PTPN3: variants seen among roughly 807,000 people sequenced by gnomAD.
PTPN3 encodes the protein tyrosine-protein phosphatase non-receptor type 3.
In PTPN3, 96 loss-of-function variants were observed where a neutral mutation model predicts 132.7. That is an observed-to-expected ratio of 0.72 (90% CI 0.61 to 0.86). The LOEUF (loss-of-function observed/expected upper bound fraction) is 0.86. Among genes scored for constraint, PTPN3 ranks in the 40% least tolerant of loss-of-function variants. PTPN3 has a pLI of 0.00. For missense variants in PTPN3, 1,125 were observed against 1,159.6 expected (o/e 0.97, Z 0.43); for synonymous variants, 398 against 429.0 (o/e 0.93, Z 0.89).
chr9:109,511,785 C>T, the PTPN3 span, among the ~76,000 whole-genome samples: 2 of 152,134 alleles, frequency 1.3e-5, no homozygotes, highest in Admixed American at 6.6e-5. Context: ...GAGGCAGTCC[C>T]AATAGGAACT....
At position 109,391,139 on chromosome 9, in the gene PTPN3, T is replaced by C. The variant is rs145864054; in HGVS notation, c.2105A>G (p.Asn702Ser). The change falls in exon 21 of 26, where the codon AAC becomes AGC. Residue 702 changes from asparagine to serine, a missense_variant and splice_region_variant. Coordinates refer to ENST00000374541, the MANE Select transcript of PTPN3 (RefSeq NM_002829.4). ...GCATCATCCAGATTCCTAACTTACG[T>C]TCACGTAACTTGCATTAATATAATC... ...NEDYINASYV[N>S]MEIPAANLVN... is the part of the protein sequence containing the mutation. 5.6e-6 allele frequency: 9 copies of C among 1,612,614 alleles called. No homozygotes were observed. The highest frequency in any genetic ancestry group is 7.6e-6 in the Non-Finnish European group (9 of 1,178,924).
At chr9:109,422,694 A>G (rs758130486) in intron 13 of PTPN3, 24 bp downstream of exon 13, 1 of 874,908 alleles carries the variant, frequency 1.1e-6, no homozygotes, top group Non-Finnish European at 1.6e-6. Flanking sequence ...GGGTAGTACA[A>G]AAAAAAAAAA....
At chr9:109,479,588 T>A (rs995230241) in intron 1 of PTPN3, among the ~76,000 whole-genome samples, 2 of 152,318 alleles carry the variant, frequency 1.3e-5, no homozygotes, top group African/African-American at 4.8e-5. Context: ...CTTTTTAAAA[T>A]TTTTTTGAGA....
chr9:109,436,905 C>G lies in PTPN3; in HGVS notation c.653G>C (p.Gly218Ala), dbSNP rs1564440301. The G allele has an allele frequency of 2.5e-6, 4 of 1,614,076 alleles. No homozygotes were observed. Among genetic ancestry groups the G allele is most frequent in the Non-Finnish European group, 3.4e-6 (4 of 1,179,978 alleles). ...TACCCTACCACTGTGCAGTTCTACTCCATAGAAGTCGAGGGTCCGCGCTAT... is the reference window on the plus strand; with the variant it reads ...TACCCTACCACTGTGCAGTTCTACTGCATAGAAGTCGAGGGTCCGCGCTAT... The part of the protein sequence containing the change: ...INIARTLDFY[G>A]VELHSGRDLH... The change falls in exon 9 of 26, where the codon GGA becomes GCA. Residue 218 changes from glycine to alanine, a missense_variant. Coordinates refer to ENST00000374541, the MANE Select transcript of PTPN3 (RefSeq NM_002829.4).
At chr9:109,536,156 TA>T in the PTPN3 span, among the ~76,000 whole-genome samples, 77 of 152,356 alleles carry the variant, frequency 5.1e-4, 1 homozygote, top group African/African-American at 1.8e-3. Context: ...CTTAACATAA[TA>T]TTTTCAAGGT....
chr9:109,399,569 G>A (rs1840891042), intron 19 of PTPN3, among the ~76,000 whole-genome samples: 2 of 151,894 alleles, frequency 1.3e-5, no homozygotes, highest in African/African-American at 4.8e-5. Context: ...TTTTATGACA[G>A]CTGGGACCAA....
chr9:109,445,193 G>T lies in PTPN3; in HGVS notation c.466+47C>A, dbSNP rs143031671. The T allele has an allele frequency of 5.8e-5, 91 of 1,575,100 alleles. No homozygotes were observed. The Middle Eastern group carries it at 1.0e-3, about 17-fold the overall frequency. ...GAACCAGTGACTTTCTCCACACACT[G>T]ATCAGAACAACCTGTCCATCCGTGA... On this transcript the variant is annotated intron_variant, in intron 7 of 25. Coordinates refer to ENST00000374541, the MANE Select transcript of PTPN3 (RefSeq NM_002829.4).
In PTPN3 at chr9:109,432,922, C is replaced by G. The variant is rs892234307; in HGVS notation, c.764+151G>C. Reference sequence around the variant, plus strand: ...ACTCAAATTTTCCTAAGTACCAAATCTGGACCAAATTTAGAGGTCAGAGTA... The same window carrying G: ...ACTCAAATTTTCCTAAGTACCAAATGTGGACCAAATTTAGAGGTCAGAGTA... On this transcript the variant is annotated intron_variant, in intron 10 of 25. Coordinates refer to ENST00000374541, the MANE Select transcript of PTPN3 (RefSeq NM_002829.4). 11 of 1,353,848 alleles carry G rather than the reference C, an allele frequency of 8.1e-6. No homozygotes were observed. The African/African-American group carries it at 1.6e-4, about 20-fold the overall frequency. 83.9% of individuals were successfully genotyped at this position (1,353,848 alleles called of 1,614,324 possible). A position where few individuals can be genotyped will look rare whatever the true frequency, so the allele number is the denominator to read the frequency against.
intron 1 of PTPN3, among the ~76,000 whole-genome samples, chr9:109,469,949 A>G (rs577492279): frequency 2.0e-5 from 3 of 151,866 alleles, no homozygotes; most frequent in Admixed American, 1.3e-4. Context: ...TATTTCAAAA[A>G]TCCTTTTTGC....
At chr9:109,504,770 T>C in the PTPN3 span, among the ~76,000 whole-genome samples, 2 of 151,734 alleles carry the variant, frequency 1.3e-5, no homozygotes, top group Non-Finnish European at 2.9e-5. Flanking sequence ...TTAAGATCCT[T>C]CTCTGGAAAC....
At chr9:109,453,692 T>C (rs1213053957) in intron 5 of PTPN3, among the ~76,000 whole-genome samples, 1 of 152,120 alleles carries the variant, frequency 6.6e-6, no homozygotes, top group Non-Finnish European at 1.5e-5. Flanking sequence ...TTCTAACTCT[T>C]GCAAACTGGG....
intron 7 of PTPN3, among the ~76,000 whole-genome samples, chr9:109,442,777 CTTA>C (rs1043597486): frequency 1.6e-4 from 25 of 152,258 alleles, no homozygotes; most frequent in African/African-American, 4.6e-4. Context: ...GAAGGAGACA[CTTA>C]TTATCCTCAT....
chr9:109,526,350 TTTA>T, the PTPN3 span, among the ~76,000 whole-genome samples: 390 of 152,138 alleles, frequency 2.6e-3, 2 homozygotes, highest in African/African-American at 9.1e-3. Context: ...TTTTTTTTTT[TTTA>T]AAGTGGAAAT....
chr9:109,431,278 T>G (rs763874638), intron 10 of PTPN3, among the ~76,000 whole-genome samples: 5 of 152,246 alleles, frequency 3.3e-5, no homozygotes, highest in African/African-American at 1.2e-4. Context: ...GCAGTGACCT[T>G]GTGGGACCCA....
At chr9:109,409,489 G>C (rs1403364711) in intron 16 of PTPN3, among the ~76,000 whole-genome samples, 2 of 152,128 alleles carry the variant, frequency 1.3e-5, no homozygotes, top group Non-Finnish European at 2.9e-5. Flanking sequence ...GCACAGAGCA[G>C]GCACTTGGCC....
intron 19 of PTPN3, among the ~76,000 whole-genome samples, chr9:109,400,892 C>A (rs1180330989): frequency 6.6e-6 from 1 of 152,094 alleles, no homozygotes; most frequent in East Asian, 1.9e-4. Flanking sequence ...CTCTGTAAAA[C>A]ACCATTCTCG....
intron 22 of PTPN3, among the ~76,000 whole-genome samples, chr9:109,388,663 G>A (rs1206255362): frequency 6.6e-6 from 1 of 152,034 alleles, no homozygotes; most frequent in Non-Finnish European, 1.5e-5. Context: ...GGAAAGAAGG[G>A]GGCTGCTATC....
At chr9:109,528,874 T>C in the PTPN3 span, among the ~76,000 whole-genome samples, 1 of 152,154 alleles carries the variant, frequency 6.6e-6, no homozygotes, top group Non-Finnish European at 1.5e-5. Flanking sequence ...TTAATTCTAC[T>C]TCCTTGTGTG....
rs1839847231 is a variant in PTPN3, at chr9:109,389,181, CAG to C, written c.2253+50_2253+51del. The C allele has an allele frequency of 3.8e-6, 6 of 1,595,706 alleles. No individual in the cohort carries two copies. The South Asian group carries it at 6.9e-5, about 18-fold the overall frequency. On this transcript the variant is annotated intron_variant, in intron 22 of 25. Transcript: ENST00000374541. ...TCTCAGCGCTGAGATTCATGTTACA[CAG>C]AGTAGGGTGTGACACTGCACACATC...
Sources: gnomAD v4.1 joint callset for allele counts (sites outside exome capture counted in the v4.1 genomes callset) on GRCh38, gnomAD v4.1.1 for gene constraint, MANE v1.5 for transcripts, NCBI Gene and HGNC (gene_info 2026-07-23, HGNC 2026-07-21) for gene names.